KCNJ15: variants seen among roughly 807,000 people sequenced by gnomAD.
KCNJ15 encodes the protein ATP-sensitive inward rectifier potassium channel 15.
In KCNJ15, 14 loss-of-function variants were observed where a neutral mutation model predicts 23.0. The ratio of observed to expected loss-of-function variants is 0.61; its 90% CI spans 0.40 to 0.95. The LOEUF (loss-of-function observed/expected upper bound fraction) is 0.95, where lower values mean the gene tolerates loss of function less well. KCNJ15 is among the 40% of genes least tolerant of loss of function. The pLI, the probability that KCNJ15 is intolerant of heterozygous loss-of-function variation, is 0.00. For synonymous variants in KCNJ15, 185 were observed against 183.2 expected (o/e 1.01, Z -0.08); for missense variants, 388 against 461.8 (o/e 0.84, Z 1.46).
At position 38,300,854 on chromosome 21, in the gene KCNJ15, G is replaced by A. The variant is rs1985722730; in HGVS notation, c.*465G>A. ...AAACATGCTCTTTTTGTTCAAGCAG[G>A]AAAAATATTATATCTAATTATGTCT... On this transcript the variant is annotated 3_prime_UTR_variant, in exon 3 of 3. Coordinates refer to ENST00000398938, the MANE Select transcript of KCNJ15 (RefSeq NM_170736.3). 5.9e-6 allele frequency: 1 copy of A among 168,336 alleles called. No homozygotes were observed. Among genetic ancestry groups the A allele is most frequent in the Admixed American group, 6.5e-5 (1 of 15,472 alleles). 10.4% of individuals were successfully genotyped at this position (168,336 alleles called of 1,614,324 possible).
intron 1 of KCNJ15, chr21:38,268,943 G>T (rs1981789845): frequency 6.6e-6 from 1 of 152,218 alleles, no homozygotes; most frequent in Non-Finnish European, 1.5e-5. Context: ...TGAAGGAAAG[G>T]TTCGACTTGG....
rs1326196624 is a variant in KCNJ15, at chr21:38,301,845, TCAAA to T, written c.*1461_*1464del. On this transcript the variant is annotated 3_prime_UTR_variant, in exon 3 of 3. Transcript: ENST00000398938. ...TCCAAAAGGTGAATTCTCATTTCAT[TCAAA>T]CAAAGACAGATTTGCGCATTCACTC... 2.4e-5 allele frequency: 4 copies of T among 167,000 alleles called. No homozygotes were observed. Among genetic ancestry groups the T allele is most frequent in the Non-Finnish European group, 4.4e-5 (3 of 68,124 alleles). 10.3% of individuals were successfully genotyped at this position (167,000 alleles called of 1,614,324 possible).
At chr21:38,281,573 C>A (rs1324260697) in intron 1 of KCNJ15, among the ~76,000 whole-genome samples, 3 of 152,188 alleles carry the variant, frequency 2.0e-5, no homozygotes, top group Non-Finnish European at 4.4e-5. Flanking sequence ...GTCTCCAGCT[C>A]CATCCATGTT....
At chr21:38,255,962 G>C (rs781418808), upstream of KCNJ15, among the ~76,000 whole-genome samples, 1 of 152,186 alleles carries the variant, frequency 6.6e-6, no homozygotes, top group Non-Finnish European at 1.5e-5. Flanking sequence ...GACCGTTTGC[G>C]TCTCTTGGCA....
Position 38,251,361 on chromosome 21 carries a change from TA to T in KCNJ15, c.-398-5683del, listed in dbSNP as rs1246342630. ...ATAAAGGAATAAAGTTCAATTTGAA[TA>T]AGGCAAGAGGAAACCGGATCACCGT... On this transcript the variant is annotated intron_variant, in intron 1 of 4. Transcript: ENST00000547341. Among the ~76,000 whole-genome samples, 21 of 152,290 alleles carry T rather than the reference TA, an allele frequency of 1.4e-4. No homozygotes were observed. The East Asian group carries it at 3.9e-3, about 28-fold the overall frequency.
intron 1 of KCNJ15, among the ~76,000 whole-genome samples, chr21:38,268,335 T>C (rs1981678201): frequency 6.6e-6 from 1 of 152,036 alleles, no homozygotes; most frequent in African/African-American, 2.4e-5. Flanking sequence ...GCTGGGACTA[T>C]ATTCTGGTTT....
rs1985904582 is a variant in KCNJ15, at chr21:38,302,986, T to C, written c.*2597T>C. ...TAATTCAAATAAAAATCAAACAAAATAGTTGTTTCAATTTATCTAAATATC... is the reference window on the plus strand; with the variant it reads ...TAATTCAAATAAAAATCAAACAAAACAGTTGTTTCAATTTATCTAAATATC... On this transcript the variant is annotated 3_prime_UTR_variant, in exon 3 of 3. Coordinates refer to ENST00000398938, the MANE Select transcript of KCNJ15 (RefSeq NM_170736.3). The C allele has an allele frequency of 6.6e-6, 1 of 152,112 alleles. No individual in the cohort carries two copies. The highest frequency in any genetic ancestry group is 1.5e-5 in the Non-Finnish European group (1 of 68,014). The allele number at this position is 152,112 out of a possible 1,614,324, so 9.4% of individuals were successfully genotyped here. A position where few individuals can be genotyped will look rare whatever the true frequency, so the allele number is the denominator to read the frequency against.
Position 38,299,872 on chromosome 21 carries a change from A to G in KCNJ15, c.611A>G (p.Lys204Arg). Residue 204 changes from lysine to arginine, a missense_variant, in exon 3 of 3, where the codon AAG becomes AGG. Lys to Arg is a conservative substitution (Grantham distance 26). Transcript: ENST00000398938. This position sits in a 1 kb window ranked among gnomAD's most constrained non-coding sequence, Gnocchi z 4.5. ...GTGATTCAGGTAGCCAATATGAGGA[A>G]GAGCCTCTTGATTCAGTGCCAGCTC... ...CLVIQVANMRKSLLIQCQLSG... is the reference protein window; with the variant it reads ...CLVIQVANMRRSLLIQCQLSG... 6.2e-7 allele frequency: 1 copy of G among 1,614,056 alleles called. No homozygotes were observed. Among genetic ancestry groups the G allele is most frequent in the African/African-American group, 1.3e-5 (1 of 75,046 alleles).
intron 1 of KCNJ15, chr21:38,272,378 C>A (rs1218194636): frequency 6.6e-6 from 1 of 152,414 alleles, no homozygotes; most frequent in African/African-American, 2.4e-5. Flanking sequence ...TCAGCTTCTG[C>A]AAGCTGGGGT....
chr21:38,278,920 G>A (rs781664759), intron 1 of KCNJ15, among the ~76,000 whole-genome samples: 1 of 152,152 alleles, frequency 6.6e-6, no homozygotes, highest in African/African-American at 2.4e-5. Flanking sequence ...GAGTGCTTTA[G>A]GGACACCACT....
chr21:38,251,273 T>C (rs1979814828), intron 1 of KCNJ15, among the ~76,000 whole-genome samples: 1 of 152,238 alleles, frequency 6.6e-6, no homozygotes, highest in South Asian at 2.1e-4. Flanking sequence ...GGTAAAAGCC[T>C]GTCTGAGGTG....
chr21:38,259,050 A>G (rs1980596326), intron 1 of KCNJ15, among the ~76,000 whole-genome samples: 2 of 152,112 alleles, frequency 1.3e-5, no homozygotes, highest in African/African-American at 4.8e-5. Flanking sequence ...GTGCAATTAT[A>G]TACCTGAATA....
intron 1 of KCNJ15, among the ~76,000 whole-genome samples, chr21:38,290,617 G>A (rs1211266811): frequency 6.6e-6 from 1 of 152,116 alleles, no homozygotes; most frequent in Non-Finnish European, 1.5e-5. Flanking sequence ...TTTGAAGACA[G>A]GTTCTTGGGA....
At chr21:38,295,160 A>G (rs2146345242) in intron 1 of KCNJ15, among the ~76,000 whole-genome samples, 1 of 152,276 alleles carries the variant, frequency 6.6e-6, no homozygotes, top group Non-Finnish European at 1.5e-5. Context: ...TTTTATTATT[A>G]TTTTCATATC....
intron 1 of KCNJ15, among the ~76,000 whole-genome samples, chr21:38,266,789 A>G (rs1314380458): frequency 1.3e-5 from 2 of 152,222 alleles, no homozygotes; most frequent in African/African-American, 4.8e-5. Flanking sequence ...GAGATGAGGA[A>G]AGCAGGGTGC....
chr21:38,281,385 G>C (rs1458015426), intron 1 of KCNJ15, among the ~76,000 whole-genome samples: 4 of 152,142 alleles, frequency 2.6e-5, no homozygotes, highest in African/African-American at 9.7e-5. Flanking sequence ...CGTGCAGGTA[G>C]TGAGCACAGT....
rs770398557 is a variant in KCNJ15 at position 38,302,154 on chromosome 21, C to G, written c.*1765C>G. ...TGAAAGACATTTGAGGTTAAGACAG[C>G]AAGTCCTTGACAAATATGTTCATGT... is the stretch of plus-strand genomic sequence containing the variant. On this transcript the variant is annotated 3_prime_UTR_variant, in exon 3 of 3. Transcript: ENST00000398938. 13 of 152,306 alleles carry G rather than the reference C, an allele frequency of 8.5e-5. No homozygotes were observed. The highest frequency in any genetic ancestry group is 1.9e-4 in the African/African-American group (8 of 41,554). The allele number at this position is 152,306 out of a possible 1,614,324, so 9.4% of individuals were successfully genotyped here. A position where few individuals can be genotyped will look rare whatever the true frequency, so the allele number is the denominator to read the frequency against.
rs1985895907 is a variant in KCNJ15 at position 38,302,827 on chromosome 21, AT to A, written c.*2441del. 1 of 152,234 alleles carries A rather than the reference AT, an allele frequency of 6.6e-6. No homozygotes were observed. The highest frequency in any genetic ancestry group is 6.5e-5 in the Admixed American group (1 of 15,286). The allele number at this position is 152,234 out of a possible 1,614,324, so 9.4% of individuals were successfully genotyped here. A position where few individuals can be genotyped will look rare whatever the true frequency, so the allele number is the denominator to read the frequency against. On this transcript the variant is annotated 3_prime_UTR_variant, in exon 3 of 3. Coordinates refer to ENST00000398938, the MANE Select transcript of KCNJ15 (RefSeq NM_170736.3). ...CATTTAGCATATCAATTTCAGCCAA[AT>A]TTGGAAGACTTGATCATCTTATCTT...
At chr21:38,288,015 CTTGT>C (rs1442221360) in intron 1 of KCNJ15, among the ~76,000 whole-genome samples, 1 of 48,646 alleles carries the variant, frequency 2.1e-5, no homozygotes, top group Admixed American at 2.3e-4. Context: ...TGTTAAATAA[CTTGT>C]TTTTTTCTTT....
Sources: allele counts gnomAD v4.1 joint callset (sites outside exome capture counted in the v4.1 genomes callset), GRCh38; gene constraint gnomAD v4.1.1; non-coding constraint Gnocchi (gnomAD v3.1); transcripts MANE v1.5; gene names NCBI Gene and HGNC (gene_info 2026-07-23, HGNC 2026-07-21).